The following C12orf76 variants were observed in gnomAD, a reference collection of about 807,000 sequenced individuals.
C12orf76 encodes the protein uncharacterized protein C12orf76.
Under a neutral mutation model 6.8 loss-of-function variants are expected in C12orf76, and 6 were observed. That is an observed-to-expected ratio of 0.88 (90% CI 0.48 to 1.73). The LOEUF is 1.73. C12orf76 is among the 40% of genes most tolerant of loss of function. C12orf76 has a pLI of 0.01. For synonymous variants in C12orf76, 56 were observed against 43.7 expected (o/e 1.28, Z -1.11); for missense variants, 99 against 98.2 (o/e 1.01, Z -0.03).
intron 2 of C12orf76, among the ~76,000 whole-genome samples, chr12:110,062,030 G>A (rs937455528): frequency 2.0e-5 from 3 of 152,092 alleles, no homozygotes; most frequent in South Asian, 2.1e-4. Flanking sequence ...TTGGGAGGCC[G>A]AGGTGGGTGG....
intron 1 of C12orf76, among the ~76,000 whole-genome samples, chr12:110,047,893 C>A (rs988871286): frequency 6.6e-6 from 1 of 152,196 alleles, no homozygotes; most frequent in South Asian, 2.1e-4. Context: ...TGAGCCCACA[C>A]TGCCAGAGAG....
intron 1 of C12orf76, among the ~76,000 whole-genome samples, chr12:110,067,088 G>A (rs2137239713): frequency 6.6e-6 from 1 of 152,322 alleles, no homozygotes; most frequent in African/African-American, 2.4e-5. Flanking sequence ...CCAGGGAAGA[G>A]GGAAATCTTC....
At chr12:110,050,823 T>A, upstream of C12orf76, 1 of 590,496 alleles carries the variant, frequency 1.7e-6, no homozygotes, top group Non-Finnish European at 3.0e-6. Flanking sequence ...CACTGTGGAC[T>A]TGCCCTAATT....
At chr12:110,068,307 GAAGAAGAA>G (rs1892912389), upstream of C12orf76, among the ~76,000 whole-genome samples, 3 of 146,204 alleles carry the variant, frequency 2.1e-5, no homozygotes, top group African/African-American at 7.4e-5. Context: ...AGAAGAAGAA[GAAGAAGAA>G]GAAGAAGAAG....
At chr12:110,058,866 C>A (rs113278622) in intron 3 of C12orf76, 1 of 1,157,184 alleles carries the variant, frequency 8.6e-7, no homozygotes, top group African/African-American at 1.6e-5. Context: ...ATGTCCTTAC[C>A]ATGTGCCAAC....
chr12:110,053,173 A>T (rs564729136), upstream of C12orf76, among the ~76,000 whole-genome samples: 1 of 146,022 alleles, frequency 6.8e-6, no homozygotes, highest in South Asian at 2.2e-4. Flanking sequence ...GCCTGATGAC[A>T]GAGCTAGACT....
At chr12:110,067,198 C>T (rs1187465509) in intron 1 of C12orf76, among the ~76,000 whole-genome samples, 2 of 152,148 alleles carry the variant, frequency 1.3e-5, no homozygotes, top group African/African-American at 4.8e-5. Context: ...TAGGTGGTGC[C>T]ATCGTAAGCG....
At chr12:110,053,136 A>G (rs1161240426), upstream of C12orf76, among the ~76,000 whole-genome samples, 1 of 149,064 alleles carries the variant, frequency 6.7e-6, no homozygotes, top group Admixed American at 6.7e-5. Context: ...AGGTTGCAGT[A>G]AGCCAATATC....
At chr12:110,054,203 T>C (rs1404520074), upstream of C12orf76, among the ~76,000 whole-genome samples, 1 of 152,180 alleles carries the variant, frequency 6.6e-6, no homozygotes, top group African/African-American at 2.4e-5. The surrounding 1 kb of genome is among the most constrained non-coding windows in gnomAD (Gnocchi z 4.4). Context: ...AGCTGCAGTG[T>C]GATATAAAGT....
chr12:110,045,898 G>A (rs759948692), intron 1 of C12orf76: 20 of 192,168 alleles, frequency 1.0e-4, no homozygotes. Context: ...GGTGGAGGTT[G>A]CAGTGAACCA....
upstream of C12orf76, among the ~76,000 whole-genome samples, chr12:110,070,101 AT>A (rs1892943610): frequency 6.6e-6 from 1 of 151,732 alleles, no homozygotes; most frequent in South Asian, 2.1e-4. Context: ...ATACAAAAAA[AT>A]TAGCTGGGCG....
chr12:110,051,716 T>C (rs1199552557), upstream of C12orf76, among the ~76,000 whole-genome samples: 1 of 151,706 alleles, frequency 6.6e-6, no homozygotes, highest in Non-Finnish European at 1.5e-5. Context: ...TGAGCCACCA[T>C]GCCCGGCCCC....
intron 1 of C12orf76, among the ~76,000 whole-genome samples, chr12:110,066,390 A>C (rs1309476858): frequency 8.3e-5 from 12 of 145,412 alleles, no homozygotes; most frequent in Non-Finnish European, 1.2e-4. Context: ...AAAAAAAAAA[A>C]AAAAAAAAAA....
At chr12:110,067,092 A>G (rs933294602) in intron 1 of C12orf76, among the ~76,000 whole-genome samples, 3 of 152,212 alleles carry the variant, frequency 2.0e-5, no homozygotes, top group Non-Finnish European at 1.5e-5. Context: ...GGAAGAGGGA[A>G]ATCTTCCCAA....
chr12:110,052,367 A>G (rs1593246302), upstream of C12orf76, among the ~76,000 whole-genome samples: 1 of 151,576 alleles, frequency 6.6e-6, no homozygotes, highest in South Asian at 2.1e-4. Flanking sequence ...GCTAATTTCT[A>G]TTATTTTTTC....
At position 110,048,512 on chromosome 12, in the gene C12orf76, G is replaced by T. The variant is rs1407672702; in HGVS notation, c.-17C>A. 2 of 1,403,560 alleles carry T rather than the reference G, an allele frequency of 1.4e-6. No individual in the cohort carries two copies. The highest frequency in any genetic ancestry group is 1.9e-6 in the Non-Finnish European group (2 of 1,080,164). The allele number at this position is 1,403,560 out of a possible 1,614,324, so 86.9% of individuals were successfully genotyped here. ...ACGCAGCATCTTCCCCAGCCCTGCA[G>T]AAGCAGAGAGGCCACTTCCGTCGCA... On this transcript the variant is annotated 5_prime_UTR_variant, in exon 1 of 2. In the 5' UTR this introduces an upstream ATG that the reference lacks. Coordinates refer to ENST00000615315, the MANE Select transcript of C12orf76 (RefSeq NM_001389625.1).
chr12:110,071,376 T>C (rs996714801), upstream of C12orf76, among the ~76,000 whole-genome samples: 1 of 152,136 alleles, frequency 6.6e-6, no homozygotes, highest in Non-Finnish European at 1.5e-5. Flanking sequence ...AGAGGATGTA[T>C]ATAAAAATAC....
intron 1 of C12orf76, among the ~76,000 whole-genome samples, chr12:110,066,642 C>T (rs943460813): frequency 6.6e-6 from 1 of 151,868 alleles, no homozygotes; most frequent in East Asian, 1.9e-4. Context: ...GAGCCAAGAT[C>T]GCGCCATTTC....
At chr12:110,067,627 C>T (rs1440003541) in exon 1 of C12orf76, 25 of 967,698 alleles carry the variant, frequency 2.6e-5, no homozygotes, top group African/African-American at 1.8e-4. Context: ...CCACCCACCT[C>T]GGCCTCTCAA....
Sources: allele counts gnomAD v4.1 joint callset (sites outside exome capture counted in the v4.1 genomes callset), GRCh38; gene constraint gnomAD v4.1.1; non-coding constraint Gnocchi (gnomAD v3.1); transcripts MANE v1.5; gene names NCBI Gene and HGNC (gene_info 2026-07-23, HGNC 2026-07-21).